The following NALF1 variants were observed in gnomAD, a reference collection of about 807,000 sequenced individuals.
NALF1 encodes family with sequence similarity 155 member A.
In NALF1, 3 loss-of-function variants were observed where a neutral mutation model predicts 48.4. The ratio of observed to expected loss-of-function variants is 0.06; its 90% CI spans 0.03 to 0.16. The LOEUF (loss-of-function observed/expected upper bound fraction) is 0.16, where lower values mean the gene tolerates loss of function less well. Among genes scored for constraint, NALF1 ranks in the 10% least tolerant of loss-of-function variants. NALF1 has a pLI of 1.00. For missense variants in NALF1, 526 were observed against 571.5 expected (o/e 0.92, Z 0.81); for synonymous variants, 262 against 245.7 (o/e 1.07, Z -0.62).
intron 1 of NALF1, among the ~76,000 whole-genome samples, chr13:107,632,881 A>G (rs1372888712): frequency 6.7e-6 from 1 of 149,602 alleles, no homozygotes; most frequent in East Asian, 2.0e-4. Context: ...ACGGAAATGA[A>G]GGCAGAAATT....
chr13:107,270,485 ATGAT>A (rs1881138640), intron 1 of NALF1, among the ~76,000 whole-genome samples: 1 of 152,142 alleles, frequency 6.6e-6, no homozygotes, highest in Admixed American at 6.5e-5. Flanking sequence ...GAGTGAACGA[ATGAT>A]TAAGTTAAAG....
At chr13:107,414,525 T>A (rs1430043678) in intron 1 of NALF1, among the ~76,000 whole-genome samples, 1 of 150,726 alleles carries the variant, frequency 6.6e-6, no homozygotes, top group East Asian at 1.9e-4. Flanking sequence ...AATTTAATTA[T>A]AATTAAATAT....
In NALF1 at chr13:107,357,394, C is replaced by T. The variant is rs116202207; in HGVS notation, c.916-146639G>A. ...ATGATCCGATCATCCCCACTTGGTC[C>T]CTCCCCTGACACATGGGTATTATAG... is the stretch of plus-strand genomic sequence containing the variant. On this transcript the variant is annotated intron_variant, in intron 1 of 2. Transcript: ENST00000375915. Among the ~76,000 whole-genome samples, 357 of 152,210 alleles carry T rather than the reference C, an allele frequency of 2.3e-3. 1 individual carries two copies. Among genetic ancestry groups the T allele is most frequent in the African/African-American group, 7.9e-3 (328 of 41,530 alleles).
chr13:107,476,045 A>C (rs1040885463), intron 1 of NALF1, among the ~76,000 whole-genome samples: 1 of 152,188 alleles, frequency 6.6e-6, no homozygotes, highest in Non-Finnish European at 1.5e-5. Context: ...GTAAACATCT[A>C]TATTCTTTTG....
intron 1 of NALF1, among the ~76,000 whole-genome samples, chr13:107,389,213 A>G (rs887049177): frequency 1.3e-5 from 2 of 152,170 alleles, no homozygotes; most frequent in Admixed American, 1.3e-4. Context: ...GTAGCTGTCA[A>G]AACTACTTAC....
In NALF1 at chr13:107,375,864, C is replaced by A. The variant is rs568484035; in HGVS notation, c.916-165109G>T. ...ACAAGGAAATAAATGTGAAAGCCAG[C>A]CTCCAAAGTGACCTGATGCCCCCTC... On this transcript the variant is annotated intron_variant, in intron 1 of 2. Transcript: ENST00000375915. Among the ~76,000 whole-genome samples, 4 of 151,990 alleles carry A rather than the reference C, an allele frequency of 2.6e-5. No individual in the cohort carries two copies. The South Asian group carries it at 6.2e-4, about 24-fold the overall frequency.
Position 107,339,628 on chromosome 13 carries a change from C to T in NALF1, c.916-128873G>A, listed in dbSNP as rs528262462. Among the ~76,000 whole-genome samples the T allele has an allele frequency of 7.9e-5, 12 of 152,242 alleles. No individual in the cohort carries two copies. In the East Asian group the frequency reaches 1.7e-3, roughly 22 times the overall value. On this transcript the variant is annotated intron_variant, in intron 1 of 2. Transcript: ENST00000375915. ...GTGATTTCTAGGAGCACTGGCACAG[C>T]GTCCCATATGCACATTTTGGAGAAC...
At chr13:107,241,217 G>A (rs1880464327) in intron 1 of NALF1, among the ~76,000 whole-genome samples, 1 of 152,036 alleles carries the variant, frequency 6.6e-6, no homozygotes, top group Non-Finnish European at 1.5e-5. Context: ...ACTTCTAAGT[G>A]TGTATATATA....
At chr13:107,721,709 G>C (rs1875990946) in intron 1 of NALF1, among the ~76,000 whole-genome samples, 3 of 152,086 alleles carry the variant, frequency 2.0e-5, no homozygotes, top group South Asian at 4.2e-4. Flanking sequence ...ATGGACGCTG[G>C]GGAGATCCCC....
rs554199078 is a variant in NALF1 at position 107,842,277 on chromosome 13, T to C, written c.915+23405A>G. Among the ~76,000 whole-genome samples the C allele has an allele frequency of 1.1e-4, 17 of 152,124 alleles. No homozygotes were observed. The South Asian group carries it at 3.3e-3, about 30-fold the overall frequency. On this transcript the variant is annotated intron_variant, in intron 1 of 2. Transcript: ENST00000375915. ...ATGAAAATGAAGTATGCCTATTTTATAGATGAAACAATCAAAACTGAGAGA... is the reference window on the plus strand; with the variant it reads ...ATGAAAATGAAGTATGCCTATTTTACAGATGAAACAATCAAAACTGAGAGA...
intron 1 of NALF1, among the ~76,000 whole-genome samples, chr13:107,308,940 T>C (rs185020589): frequency 2.6e-4 from 39 of 152,366 alleles, no homozygotes; most frequent in African/African-American, 9.1e-4. Flanking sequence ...TTTTAATTCC[T>C]GAAAAACATT....
At chr13:107,650,711 C>A (rs1229603699) in intron 1 of NALF1, among the ~76,000 whole-genome samples, 1 of 151,880 alleles carries the variant, frequency 6.6e-6, no homozygotes, top group Admixed American at 6.6e-5. Flanking sequence ...GCTACCTGTA[C>A]CCCAATAACT....
chr13:107,828,862 A>G (rs1030577944), intron 1 of NALF1, among the ~76,000 whole-genome samples: 1 of 152,172 alleles, frequency 6.6e-6, no homozygotes, highest in African/African-American at 2.4e-5. Context: ...ACATGGTTTC[A>G]GATCAGCTTG....
chr13:107,758,424 A>AT (rs1877175561), intron 1 of NALF1, among the ~76,000 whole-genome samples: 4 of 152,182 alleles, frequency 2.6e-5, no homozygotes, highest in Admixed American at 2.6e-4. Context: ...TGCTGAGTCC[A>AT]TAAAAAGCAT....
At chr13:107,758,491 G>A (rs1379850959) in intron 1 of NALF1, among the ~76,000 whole-genome samples, 1 of 152,186 alleles carries the variant, frequency 6.6e-6, no homozygotes, top group Non-Finnish European at 1.5e-5. Context: ...GGAGGCTGAG[G>A]CGGGCGGATC....
At chr13:107,604,500 C>T (rs901730593) in intron 1 of NALF1, among the ~76,000 whole-genome samples, 23 of 152,088 alleles carry the variant, frequency 1.5e-4, no homozygotes, top group African/African-American at 5.6e-4. Context: ...CTGAACAAAA[C>T]ATTGCTGATT....
intron 1 of NALF1, among the ~76,000 whole-genome samples, chr13:107,293,761 G>T (rs1260889486): frequency 6.6e-6 from 1 of 152,198 alleles, no homozygotes. Context: ...ATGTACATTT[G>T]CAAGAAGTAC....
intron 1 of NALF1, among the ~76,000 whole-genome samples, chr13:107,436,334 T>C (rs539216490): frequency 5.9e-5 from 9 of 152,294 alleles, no homozygotes; most frequent in Non-Finnish European, 1.0e-4. Context: ...GTAGAATCCA[T>C]TGATGTATTA....
chr13:107,310,003 C>A (rs1407700768), intron 1 of NALF1, among the ~76,000 whole-genome samples: 1 of 152,156 alleles, frequency 6.6e-6, no homozygotes, highest in African/African-American at 2.4e-5. Context: ...ATCCCAGATG[C>A]CAATTCCACA....
Sources: gnomAD v4.1 joint callset for allele counts (sites outside exome capture counted in the v4.1 genomes callset) on GRCh38, gnomAD v4.1.1 for gene constraint, MANE v1.5 for transcripts, NCBI Gene and HGNC (gene_info 2026-07-23, HGNC 2026-07-21) for gene names.